TAMM41: variants seen among roughly 807,000 people sequenced by gnomAD.
TAMM41 encodes the protein phosphatidate cytidylyltransferase, mitochondrial.
In TAMM41, 36 loss-of-function variants were observed where a neutral mutation model predicts 44.1. The ratio of observed to expected loss-of-function variants is 0.82; its 90% confidence interval spans 0.63 to 1.08. The LOEUF (loss-of-function observed/expected upper bound fraction) is 1.08. TAMM41 is among the 50% of genes least tolerant of loss of function. TAMM41 has a pLI of 0.00. For synonymous variants in TAMM41, 164 were observed against 153.1 expected (o/e 1.07, Z -0.53); for missense variants, 417 against 404.3 (o/e 1.03, Z -0.27).
chr3:11,836,767 C>T (rs1385426630), intron 3 of TAMM41, among the ~76,000 whole-genome samples: 3 of 152,176 alleles, frequency 2.0e-5, no homozygotes, highest in Non-Finnish European at 2.9e-5. Flanking sequence ...CCTGGCCCAT[C>T]TTTTGTATAT....
chr3:11,799,847 A>G (rs1041566828), intron 7 of TAMM41, among the ~76,000 whole-genome samples: 18 of 152,200 alleles, frequency 1.2e-4, no homozygotes, highest in African/African-American at 4.3e-4. Context: ...GCAAGAGAAA[A>G]GCATCTAGTC....
intron 5 of TAMM41, chr3:11,811,197 G>A (rs2078077670): frequency 6.6e-6 from 1 of 152,066 alleles, no homozygotes. Context: ...TAAATATTTA[G>A]GTTTTTATCT....
intron 4 of TAMM41, among the ~76,000 whole-genome samples, chr3:11,819,729 T>C (rs183380271): frequency 2.0e-5 from 3 of 152,238 alleles, no homozygotes; most frequent in African/African-American, 4.8e-5. Context: ...ACTCTGTCTC[T>C]ATGTAATTTT....
At chr3:11,815,204 G>A (rs550448685) in intron 5 of TAMM41, among the ~76,000 whole-genome samples, 5 of 152,154 alleles carry the variant, frequency 3.3e-5, no homozygotes, top group South Asian at 2.1e-4. Flanking sequence ...AGTATAAACC[G>A]TGGAAGAGGA....
At chr3:11,751,060 G>A in the TAMM41 span, among the ~76,000 whole-genome samples, 1 of 151,450 alleles carries the variant, frequency 6.6e-6, no homozygotes, top group South Asian at 2.1e-4. Flanking sequence ...GGAAGAGGAG[G>A]AGTCCTTTCC....
chr3:11,784,791 CT>C, the TAMM41 span, among the ~76,000 whole-genome samples: 3 of 134,316 alleles, frequency 2.2e-5, no homozygotes, highest in African/African-American at 8.4e-5. Flanking sequence ...CACTTCTTTT[CT>C]TTTCTTTTTT....
the TAMM41 span, among the ~76,000 whole-genome samples, chr3:11,725,315 TCTC>T: frequency 7.3e-5 from 7 of 96,386 alleles, no homozygotes; most frequent in African/African-American, 2.7e-4. Context: ...CTTTTTTTCT[TCTC>T]CTCCTCCTCC....
the TAMM41 span, among the ~76,000 whole-genome samples, chr3:11,742,340 T>C: frequency 6.7e-6 from 1 of 150,346 alleles, no homozygotes; most frequent in East Asian, 1.9e-4. Flanking sequence ...AATCATACAG[T>C]ATGCAACCTT....
At chr3:11,805,122 G>A (rs946218881) in intron 7 of TAMM41, among the ~76,000 whole-genome samples, 3 of 147,426 alleles carry the variant, frequency 2.0e-5, no homozygotes, top group Non-Finnish European at 4.5e-5. Flanking sequence ...TCCTGCCTCA[G>A]CCGCTCAAAG....
At chr3:11,781,779 A>AATAATAATC in the TAMM41 span, among the ~76,000 whole-genome samples, 49 of 40,524 alleles carry the variant, frequency 1.2e-3, no homozygotes, top group Admixed American at 5.0e-3. Context: ...TAATAATAAT[A>AATAATAATC]ATCATACAAA....
At chr3:11,821,317 T>C (rs1417513704) in intron 4 of TAMM41, among the ~76,000 whole-genome samples, 3 of 152,204 alleles carry the variant, frequency 2.0e-5, no homozygotes, top group African/African-American at 7.2e-5. Context: ...CTGAGATTAT[T>C]TTCCTGCAAC....
intron 4 of TAMM41, among the ~76,000 whole-genome samples, chr3:11,828,596 T>C (rs1413362484): frequency 6.6e-6 from 1 of 152,210 alleles, no homozygotes; most frequent in Admixed American, 6.5e-5. Context: ...AGTGTGCATG[T>C]GACCTGCTCA....
downstream of TAMM41, among the ~76,000 whole-genome samples, chr3:11,788,756 T>A (rs565787845): frequency 8.0e-4 from 122 of 152,160 alleles, no homozygotes; most frequent in African/African-American, 2.8e-3. Flanking sequence ...GCCAACATGA[T>A]GAAACCCTGT....
the TAMM41 span, among the ~76,000 whole-genome samples, chr3:11,722,775 G>C: frequency 1.4e-3 from 210 of 152,110 alleles, no homozygotes; most frequent in Middle Eastern, 6.8e-3. Flanking sequence ...TCAAGTCCAG[G>C]CTGGCCAACA....
At chr3:11,755,297 C>T in the TAMM41 span, among the ~76,000 whole-genome samples, 4 of 151,062 alleles carry the variant, frequency 2.6e-5, no homozygotes, top group African/African-American at 9.9e-5. Context: ...TCTCTCCCAG[C>T]CCCGCAGGCA....
intron 7 of TAMM41, among the ~76,000 whole-genome samples, chr3:11,792,308 A>G (rs1417575424): frequency 6.6e-6 from 1 of 152,170 alleles, no homozygotes; most frequent in East Asian, 1.9e-4. Context: ...CTAGAATCGG[A>G]GTCAAGAGAC....
At chr3:11,740,725 C>A in the TAMM41 span, among the ~76,000 whole-genome samples, 2 of 151,836 alleles carry the variant, frequency 1.3e-5, no homozygotes, top group Non-Finnish European at 2.9e-5. Flanking sequence ...GCCACCGCGC[C>A]CGGCTGATTT....
chr3:11,784,850 T>C, the TAMM41 span, among the ~76,000 whole-genome samples: 1 of 140,694 alleles, frequency 7.1e-6, no homozygotes, highest in South Asian at 2.2e-4. Flanking sequence ...TCCCCCAGGG[T>C]GGAGTGCAGT....
At chr3:11,808,194 A>G in intron 6 of TAMM41, 1 of 1,060,138 alleles carries the variant, frequency 9.4e-7, no homozygotes. Flanking sequence ...AGGGCATTTT[A>G]TGACTTAAAT....
Sources: allele counts gnomAD v4.1 joint callset (sites outside exome capture counted in the v4.1 genomes callset), GRCh38; gene constraint gnomAD v4.1.1; transcripts MANE v1.5; gene names NCBI Gene and HGNC (gene_info 2026-07-23, HGNC 2026-07-21).